The following GAS6 variants were observed in gnomAD, a reference collection of about 807,000 sequenced individuals.
The protein encoded by GAS6 is growth arrest specific 6, also known as growth arrest-specific protein 6.
A neutral mutation model predicts 75.8 loss-of-function variants in GAS6; 41 were observed. The observed-to-expected ratio is 0.54, with a 90% CI of 0.42 to 0.70. The LOEUF is 0.70. Among genes scored for constraint, GAS6 ranks in the 30% least tolerant of loss-of-function variants. The pLI, the probability that GAS6 is intolerant of heterozygous loss-of-function variation, is 0.00. For missense variants in GAS6, 854 were observed against 940.2 expected (o/e 0.91, Z 1.20); for synonymous variants, 432 against 412.6 (o/e 1.05, Z -0.57).
Position 113,822,197 on chromosome 13 carries a change from C to A in GAS6, c.1654-11G>T. The A allele has an allele frequency of 6.6e-7, 1 of 1,523,138 alleles. No homozygotes were observed. The highest frequency in any genetic ancestry group is 8.9e-7 in the Non-Finnish European group (1 of 1,127,378). The allele number at this position is 1,523,138 out of a possible 1,614,324, so 94.4% of individuals were successfully genotyped here. A position where few individuals can be genotyped will look rare whatever the true frequency, so the allele number is the denominator to read the frequency against. On this transcript the variant is annotated splice_polypyrimidine_tract_variant and intron_variant, in intron 13 of 14. Transcript: ENST00000327773. ...GGCCAGGACCACCAGCTGCAGGAGA[C>A]CGAGGTGTGGTCAGGGCCTGCCGGC...
chr13:113,859,400 CTG>C lies in GAS6; in HGVS notation c.255+4173_255+4174del, dbSNP rs201382546. Among the ~76,000 whole-genome samples, 760 of 146,290 alleles carry C rather than the reference CTG, an allele frequency of 5.2e-3. 9 individuals carry two copies. Among genetic ancestry groups the C allele is most frequent in the African/African-American group, 0.019 (727 of 39,268 alleles). ...AATGTGTGCATGTATGTATACATGT[CTG>C]TTAGTATGTGTGTGCCTTGTATGTG... On this transcript the variant is annotated intron_variant, in intron 2 of 14. Coordinates refer to ENST00000327773, the MANE Select transcript of GAS6 (RefSeq NM_000820.4).
At chr13:113,825,742 GCA>G (rs367673820) in intron 12 of GAS6, among the ~76,000 whole-genome samples, 6 of 152,244 alleles carry the variant, frequency 3.9e-5, no homozygotes, top group Admixed American at 2.0e-4. Flanking sequence ...GAACGCGTGT[GCA>G]CAGTCAGTCC....
chr13:113,846,852 G>T (rs1594205868), intron 3 of GAS6: 1 of 524,996 alleles, frequency 1.9e-6, no homozygotes, highest in South Asian at 2.0e-5. Flanking sequence ...TTTCGAGGGG[G>T]CTCCTCCTGC....
chr13:113,846,261 GA>G (rs1184644539), intron 4 of GAS6, among the ~76,000 whole-genome samples: 1 of 152,258 alleles, frequency 6.6e-6, no homozygotes, highest in Non-Finnish European at 1.5e-5. Context: ...TGTCTGACTG[GA>G]CGACTCAGAG....
Position 113,823,381 on chromosome 13 carries a change from C to A in GAS6, c.1647G>T (p.Lys549Asn), listed in dbSNP as rs763815291. The change falls in exon 13 of 15, where the codon AAG (lysine) becomes AAT (asparagine). Residue 549 changes from lysine to asparagine, a missense_variant. Lys to Asn is a moderately conservative substitution (Grantham distance 94). Coordinates refer to ENST00000327773, the MANE Select transcript of GAS6 (RefSeq NM_000820.4). ...LVDYHSTKKL[K>N]KQLVVLAVEH... ...TGGGTGGCGGAGGCCCTACCTGCTTCTTGAGTTTCTTCGTGGAGTGATAGT... is the reference window on the plus strand; with the variant it reads ...TGGGTGGCGGAGGCCCTACCTGCTTATTGAGTTTCTTCGTGGAGTGATAGT... 1 of 1,609,720 alleles carries A rather than the reference C, an allele frequency of 6.2e-7. No homozygotes were observed. Among genetic ancestry groups the A allele is most frequent in the Non-Finnish European group, 8.5e-7 (1 of 1,178,018 alleles).
rs1566354905 is a variant in GAS6, at chr13:113,826,650, CTGG to C, written c.1477+343_1477+345del. Among the ~76,000 whole-genome samples, 163 of 103,830 alleles carry C rather than the reference CTGG, an allele frequency of 1.6e-3. 24 individuals carry two copies. The highest frequency in any genetic ancestry group is 3.6e-3 in the African/African-American group (83 of 22,962). 68.1% of individuals were successfully genotyped at this position (103,830 alleles called of 152,430 possible). A position where few individuals can be genotyped will look rare whatever the true frequency, so the allele number is the denominator to read the frequency against. ...GCAGGCACCTTCTCTCCCCGGCCTC[CTGG>C]CGCCGGCCTCGCAGGCACCTTCTCT... On this transcript the variant is annotated intron_variant, in intron 12 of 14. Coordinates refer to ENST00000327773, the MANE Select transcript of GAS6 (RefSeq NM_000820.4).
chr13:113,826,585 CGCA>C (rs2051548679), intron 12 of GAS6, among the ~76,000 whole-genome samples: 1 of 88,520 alleles, frequency 1.1e-5, no homozygotes, highest in Non-Finnish European at 2.2e-5. Flanking sequence ...GCGCTGGCCT[CGCA>C]GGCACCTTCT....
chr13:113,822,378 T>G, intron 13 of GAS6, 192 bp from the exon 14 acceptor site: 1 of 494,714 alleles, frequency 2.0e-6, no homozygotes, highest in South Asian at 3.6e-5. Flanking sequence ...GCTCAGCTTC[T>G]CTGCACGTAA....
intron 14 of GAS6, 33 bp downstream of exon 14, chr13:113,821,925 T>C (rs2051464181): frequency 1.4e-6 from 2 of 1,479,698 alleles, no homozygotes; most frequent in Non-Finnish European, 1.8e-6. Flanking sequence ...CTGGAGCTCT[T>C]CACCCGGGTT....
rs997282555 is a variant in GAS6, at chr13:113,822,281, G to A, written c.1654-95C>T. On this transcript the variant is annotated intron_variant, in intron 13 of 14. Coordinates refer to ENST00000327773, the MANE Select transcript of GAS6 (RefSeq NM_000820.4). Reference sequence around the variant, plus strand: ...CCTCACAGCTGCTGGCCACCCCTACGCCGCACGCCTGTCTCCGTCCAGGGT... The same window carrying A: ...CCTCACAGCTGCTGGCCACCCCTACACCGCACGCCTGTCTCCGTCCAGGGT... 173 of 953,906 alleles carry A rather than the reference G, an allele frequency of 1.8e-4. 1 individual carries two copies. Among genetic ancestry groups the A allele is most frequent in the Admixed American group, 9.4e-5 (3 of 31,852 alleles). The allele number at this position is 953,906 out of a possible 1,614,324, so 59.1% of individuals were successfully genotyped here. A position where few individuals can be genotyped will look rare whatever the true frequency, so the allele number is the denominator to read the frequency against.
At chr13:113,833,290 C>T (rs923362593) in intron 8 of GAS6, 24 of 1,033,180 alleles carry the variant, frequency 2.3e-5, no homozygotes, top group East Asian at 8.5e-5. Context: ...CGCAGGGGTC[C>T]GACACCCTCT....
intron 4 of GAS6, chr13:113,842,815 A>G (rs1594204091): frequency 2.5e-6 from 1 of 396,738 alleles, no homozygotes; most frequent in Non-Finnish European, 4.4e-6. Context: ...ACACCTGCCC[A>G]TGTGATGCAA....
At chr13:113,831,031 C>T (rs928848420) in intron 10 of GAS6, among the ~76,000 whole-genome samples, 4 of 152,262 alleles carry the variant, frequency 2.6e-5, no homozygotes, top group African/African-American at 7.2e-5. Context: ...AAGGGCAAGA[C>T]GTGCTTTCCA....
chr13:113,833,411 G>A (rs1004123304), intron 8 of GAS6: 4 of 991,234 alleles, frequency 4.0e-6, no homozygotes, highest in Non-Finnish European at 4.8e-6. Context: ...CCAGGTCTGC[G>A]ACTCCGAGAA....
In GAS6 at chr13:113,837,375, C is replaced by A. The variant is rs1398146138; in HGVS notation, c.589+694G>T. ...CTGTCCTGTCCACGCAGTTCGGTGT[C>A]CTGGACAGTCAGCAGCAGCGCTAAG... is the stretch of plus-strand genomic sequence containing the variant. On this transcript the variant is annotated intron_variant, in intron 6 of 14. Transcript: ENST00000327773. The surrounding 1 kb of genome is among the most constrained non-coding windows in gnomAD (Gnocchi z 5.1). Among the ~76,000 whole-genome samples, 1 of 152,094 alleles carries A rather than the reference C, an allele frequency of 6.6e-6. No homozygotes were observed. Among genetic ancestry groups the A allele is most frequent in the Admixed American group, 6.5e-5 (1 of 15,274 alleles).
chr13:113,863,801 C>G lies in GAS6; in HGVS notation c.88+32G>C. 1.4e-6 allele frequency: 2 copies of G among 1,390,818 alleles called. No individual in the cohort carries two copies. The highest frequency in any genetic ancestry group is 1.8e-6 in the Non-Finnish European group (2 of 1,084,644). The allele number at this position is 1,390,818 out of a possible 1,614,324, so 86.2% of individuals were successfully genotyped here. A position where few individuals can be genotyped will look rare whatever the true frequency, so the allele number is the denominator to read the frequency against. The stretch of plus-strand genomic sequence containing the variant: ...GCGCCCGGAGCCTCCTCCCGCCGCC[C>G]GGGGACGGGGTCTCGGGCCCGCGGG... On this transcript the variant is annotated intron_variant, in intron 1 of 14. Coordinates refer to ENST00000327773, the MANE Select transcript of GAS6 (RefSeq NM_000820.4). The surrounding 1 kb of genome is among the most constrained non-coding windows in gnomAD (Gnocchi z 9.4).
rs144457857 is a variant in GAS6, at chr13:113,832,403, C to T, written c.1039G>A (p.Val347Met). The T allele has an allele frequency of 9.4e-5, 152 of 1,612,276 alleles. No homozygotes were observed. In the African/African-American group the frequency reaches 1.8e-3, roughly 19 times the overall value. Residue 347 changes from valine (V) to methionine (M), a missense_variant, in exon 10 of 15, where the codon GTG becomes ATG. Transcript: ENST00000327773. ...AGGHQDSTWI[V>M]LALRAGRLEL... ...AGCCGGCCGGCTCTCAGGGCCAGCA[C>T]GATCCAGGTGCTGTCCTGGTGGCCT... is the stretch of plus-strand genomic sequence containing the variant.
Position 113,820,626 on chromosome 13 carries a change from GAATTATTTTCTTCGAGCC to G in GAS6, c.*220_*237del, listed in dbSNP as rs2051440712. 1 of 496,916 alleles carries G rather than the reference GAATTATTTTCTTCGAGCC, an allele frequency of 2.0e-6. No homozygotes were observed. Among genetic ancestry groups the G allele is most frequent in the African/African-American group, 1.9e-5 (1 of 53,020 alleles). The allele number at this position is 496,916 out of a possible 1,614,324, so 30.8% of individuals were successfully genotyped here. ...AGCGCTTGGTAATAAAAATAATAGA[GAATTATTTTCTTCGAGCC>G]CGCTCTGCGCTGCGCCGGCCTCCCC... On this transcript the variant is annotated 3_prime_UTR_variant, in exon 15 of 15. Coordinates refer to ENST00000327773, the MANE Select transcript of GAS6 (RefSeq NM_000820.4).
At chr13:113,857,041 T>G (rs1279951590) in intron 2 of GAS6, among the ~76,000 whole-genome samples, 1 of 152,192 alleles carries the variant, frequency 6.6e-6, no homozygotes, top group African/African-American at 2.4e-5. Context: ...CTGTGTGTTT[T>G]CCATGGAGCC....
Sources: gnomAD v4.1 joint callset for allele counts (sites outside exome capture counted in the v4.1 genomes callset) on GRCh38, gnomAD v4.1.1 for gene constraint, Gnocchi (gnomAD v3.1) non-coding constraint, MANE v1.5 for transcripts, NCBI Gene and HGNC (gene_info 2026-07-23, HGNC 2026-07-21) for gene names.